The following TCF20 variants were observed in gnomAD, a reference collection of about 807,000 sequenced individuals.
The protein encoded by TCF20 is SPRE-binding protein.
A neutral mutation model predicts 148.6 loss-of-function variants in TCF20; 3 were observed. The observed-to-expected ratio is 0.02, with a 90% CI of 0.01 to 0.05. The LOEUF (loss-of-function observed/expected upper bound fraction) is 0.05, where lower values mean the gene tolerates loss of function less well. TCF20 is among the 10% of genes least tolerant of loss of function. The pLI, the probability that TCF20 is intolerant of heterozygous loss-of-function variation, is 1.00. For missense variants in TCF20, 2,350 were observed against 2,429.3 expected (o/e 0.97, Z 0.69); for synonymous variants, 1,049 against 909.5 (o/e 1.15, Z -2.76).
At chr22:42,323,985 T>G (rs1300169191) in intron 1 of TCF20, among the ~76,000 whole-genome samples, 4 of 30,052 alleles carry the variant, frequency 1.3e-4, no homozygotes, top group Admixed American at 4.3e-4. Context: ...TGGTGGAGGT[T>G]ATGGTGGTGG....
rs542708157 is a variant in TCF20 at position 42,317,335 on chromosome 22, C to T, written c.-37+26144G>A. On this transcript the variant is annotated intron_variant, in intron 1 of 1. Transcript: ENST00000515426. This position sits in a 1 kb window ranked among gnomAD's most constrained non-coding sequence, Gnocchi z 4.2. Reference sequence around the variant, plus strand: ...ATATTTCACCTCGCCCAGAAATTTACTGCAAGTTCTCAAGTCTCCCTAGAG... The same window carrying T: ...ATATTTCACCTCGCCCAGAAATTTATTGCAAGTTCTCAAGTCTCCCTAGAG... Among the ~76,000 whole-genome samples, 3 of 152,332 alleles carry T rather than the reference C, an allele frequency of 2.0e-5. No homozygotes were observed. Among genetic ancestry groups the T allele is most frequent in the Admixed American group, 6.5e-5 (1 of 15,298 alleles).
intron 1 of TCF20, among the ~76,000 whole-genome samples, chr22:42,291,817 C>T (rs1033020369): frequency 6.6e-6 from 1 of 151,792 alleles, no homozygotes; most frequent in African/African-American, 2.4e-5. Context: ...TGGTCCAGAG[C>T]ACAGATACAC....
intron 5 of TCF20, 52 bp from the exon 6 acceptor site, chr22:42,161,410 C>A (rs1348099103): frequency 6.2e-7 from 1 of 1,612,822 alleles, no homozygotes; most frequent in East Asian, 2.2e-5. Context: ...CAGGGTCCAC[C>A]ACCAACAGCC....
chr22:42,281,052 C>T (rs1016221051), intron 1 of TCF20, among the ~76,000 whole-genome samples: 2 of 152,068 alleles, frequency 1.3e-5, no homozygotes, highest in African/African-American at 4.8e-5. Context: ...ACCCCAGTCT[C>T]CCACAGGAGC....
chr22:42,328,765 T>A (rs2147056606), intron 1 of TCF20, among the ~76,000 whole-genome samples: 1 of 152,312 alleles, frequency 6.6e-6, no homozygotes, highest in South Asian at 2.1e-4. Context: ...TTGTCAGTGT[T>A]CACTGGTTCA....
At chr22:42,263,038 C>A (rs964729751) in intron 1 of TCF20, among the ~76,000 whole-genome samples, 16 of 152,088 alleles carry the variant, frequency 1.1e-4, no homozygotes, top group Admixed American at 5.9e-4. Flanking sequence ...GCAGGCAGTC[C>A]ACTTCACCAT....
intron 1 of TCF20, among the ~76,000 whole-genome samples, chr22:42,241,076 G>C (rs867789615): frequency 6.6e-6 from 1 of 152,206 alleles, no homozygotes; most frequent in Non-Finnish European, 1.5e-5. Context: ...GGCTGGTCTC[G>C]AACTCCTGAC....
chr22:42,260,726 C>T (rs1238945681), intron 1 of TCF20, among the ~76,000 whole-genome samples: 10 of 152,134 alleles, frequency 6.6e-5, no homozygotes, highest in Admixed American at 6.5e-4. Flanking sequence ...TCAAGCGATC[C>T]ACCTGCCTTA....
intron 1 of TCF20, among the ~76,000 whole-genome samples, chr22:42,298,188 G>A (rs1354775346): frequency 2.0e-5 from 3 of 152,202 alleles, no homozygotes; most frequent in Non-Finnish European, 2.9e-5. Context: ...GGAGGGCTGA[G>A]CCCTCAGCCA....
At chr22:42,286,614 A>G (rs1490494858), upstream of TCF20, among the ~76,000 whole-genome samples, 1 of 152,250 alleles carries the variant, frequency 6.6e-6, no homozygotes, top group Non-Finnish European at 1.5e-5. Context: ...CAGGGTAATC[A>G]GAGCAAGGTG....
intron 2 of TCF20, among the ~76,000 whole-genome samples, chr22:42,187,805 A>T (rs1937118521): frequency 1.3e-5 from 2 of 152,236 alleles, no homozygotes; most frequent in African/African-American, 4.8e-5. Context: ...GGATGTCAGA[A>T]ATTAGCCACA....
At chr22:42,240,157 T>C (rs558395274) in intron 1 of TCF20, among the ~76,000 whole-genome samples, 1 of 152,350 alleles carries the variant, frequency 6.6e-6, no homozygotes, top group South Asian at 2.1e-4. Context: ...ACAATTATTA[T>C]TTCCATTTTC....
intron 1 of TCF20, among the ~76,000 whole-genome samples, chr22:42,237,849 T>G (rs567007540): frequency 1.3e-5 from 2 of 152,226 alleles, no homozygotes; most frequent in African/African-American, 4.8e-5. Context: ...CCTTAAAATA[T>G]TCATTAAACC....
At chr22:42,225,139 G>A (rs2147259167) in intron 1 of TCF20, among the ~76,000 whole-genome samples, 1 of 151,900 alleles carries the variant, frequency 6.6e-6, no homozygotes, top group East Asian at 2.0e-4. Flanking sequence ...GAGATTACAG[G>A]TGCCTGCCAC....
At chr22:42,311,029 T>A (rs1471882294) in intron 1 of TCF20, among the ~76,000 whole-genome samples, 1 of 152,202 alleles carries the variant, frequency 6.6e-6, no homozygotes, top group East Asian at 1.9e-4. Context: ...AGGAACCGTA[T>A]GGCTGGCCCA....
chr22:42,183,317 T>C (rs1936871174), intron 2 of TCF20, among the ~76,000 whole-genome samples: 1 of 152,006 alleles, frequency 6.6e-6, no homozygotes, highest in Admixed American at 6.6e-5. Context: ...ATATACAAAA[T>C]CAACTTTGTG....
At chr22:42,256,390 T>C (rs1455324883) in intron 1 of TCF20, among the ~76,000 whole-genome samples, 3 of 152,236 alleles carry the variant, frequency 2.0e-5, no homozygotes, top group Non-Finnish European at 4.4e-5. Flanking sequence ...ATGTGTTTCA[T>C]TCCCATAGGC....
At chr22:42,181,271 C>T (rs1322891173) in intron 2 of TCF20, among the ~76,000 whole-genome samples, 1 of 152,146 alleles carries the variant, frequency 6.6e-6, no homozygotes, top group African/African-American at 2.4e-5. Context: ...GCAACCTCTG[C>T]CTCCCAGTTT....
chr22:42,186,978 G>A (rs1937076241), intron 2 of TCF20, among the ~76,000 whole-genome samples: 1 of 152,192 alleles, frequency 6.6e-6, no homozygotes, highest in Non-Finnish European at 1.5e-5. Context: ...CTTGCCTGTT[G>A]TACTCTACAG....
Sources: allele counts gnomAD v4.1 joint callset (sites outside exome capture counted in the v4.1 genomes callset), GRCh38; gene constraint gnomAD v4.1.1; non-coding constraint Gnocchi (gnomAD v3.1); transcripts MANE v1.5; gene names NCBI Gene and HGNC (gene_info 2026-07-23, HGNC 2026-07-21).